Variants in MATN2 observed in about 807,000 individuals in gnomAD.
MATN2 encodes the protein matrilin 2.
Under a neutral mutation model 103.2 loss-of-function variants are expected in MATN2, and 69 were observed. That is an observed-to-expected ratio of 0.67 (90% CI 0.55 to 0.82). The LOEUF is 0.82. Ranked by LOEUF, MATN2 falls within the 40% of genes least tolerant of loss-of-function variation. The probability of loss-of-function intolerance (pLI) is 0.00; values close to 1 mark genes in which losing one functional copy is unlikely to be tolerated. For synonymous variants in MATN2, 429 were observed against 450.2 expected (o/e 0.95, Z 0.60); for missense variants, 1,023 against 1,211.5 (o/e 0.84, Z 2.31).
At chr8:97,973,571 C>CTTT (rs10546662) in intron 5 of MATN2, among the ~76,000 whole-genome samples, 1 of 118,726 alleles carries the variant, frequency 8.4e-6, no homozygotes, top group African/African-American at 3.1e-5. Flanking sequence ...ATTTACAAAT[C>CTTT]TTTTTTTTTT....
chr8:98,000,326 C>T (rs989240312), intron 7 of MATN2, among the ~76,000 whole-genome samples: 7 of 151,710 alleles, frequency 4.6e-5, no homozygotes, highest in Admixed American at 2.0e-4. Context: ...AGGCCAGGTG[C>T]GGTGGCTCAC....
intron 1 of MATN2, among the ~76,000 whole-genome samples, chr8:97,881,831 A>G (rs748869801): frequency 2.0e-5 from 3 of 150,834 alleles, no homozygotes; most frequent in African/African-American, 4.9e-5. Flanking sequence ...GAAAAAATCT[A>G]TCTTGTCTGG....
At chr8:97,929,565 G>A (rs1034683568) in intron 2 of MATN2, among the ~76,000 whole-genome samples, 2 of 152,168 alleles carry the variant, frequency 1.3e-5, no homozygotes. Context: ...AAACGCAAAA[G>A]GGATGAGTTT....
chr8:97,877,477 C>CA lies in MATN2; in HGVS notation c.-27+8200dup, dbSNP rs545532976. ...GAGCAACGAGAGTGAAACTCAGTCTCAAAAAAAAAACTTTTTTTTTTTTTG... is the reference window on the plus strand; with the variant it reads ...GAGCAACGAGAGTGAAACTCAGTCTCAAAAAAAAAAACTTTTTTTTTTTTTG... On this transcript the variant is annotated intron_variant, in intron 1 of 18. Transcript: ENST00000254898. Among the ~76,000 whole-genome samples, 20 of 144,006 alleles carry CA rather than the reference C, an allele frequency of 1.4e-4. No homozygotes were observed. In the South Asian group the frequency reaches 2.9e-3, roughly 21 times the overall value. The allele number at this position is 144,006 out of a possible 152,430, so 94.5% of individuals were successfully genotyped here.
chr8:98,016,503 T>C (rs769900960), intron 10 of MATN2, 37 bp from the exon 11 acceptor site: 1 of 1,578,490 alleles, frequency 6.3e-7, no homozygotes, highest in Admixed American at 1.8e-5. Context: ...TGAGTCATTT[T>C]CTTCTTCTGT....
chr8:97,890,843 A>G (rs1818603957), intron 2 of MATN2, among the ~76,000 whole-genome samples: 1 of 152,258 alleles, frequency 6.6e-6, no homozygotes, highest in Non-Finnish European at 1.5e-5. Context: ...TTAACAGAGT[A>G]GAAACAGCAG....
intron 8 of MATN2, among the ~76,000 whole-genome samples, chr8:98,006,167 C>A (rs6651180): frequency 6.6e-6 from 1 of 152,168 alleles, no homozygotes; most frequent in Non-Finnish European, 1.5e-5. Flanking sequence ...GTGCAGCATT[C>A]GGATGCCAGG....
chr8:98,027,671 T>C lies in MATN2; in HGVS notation c.2198T>C (p.Met733Thr), dbSNP rs1474368635. The C allele has an allele frequency of 1.3e-5, 21 of 1,613,944 alleles. No individual in the cohort carries two copies. The highest frequency in any genetic ancestry group is 1.8e-5 in the Non-Finnish European group (21 of 1,179,872). The change falls in exon 14 of 19, where the codon ATG (methionine) becomes ACG (threonine). Residue 733 changes from methionine to threonine, a missense_variant. Transcript: ENST00000254898. ...ATGAAATACATGGGAAAGGGCTCTA[T>C]GACTGGGCTGGCCCTGAAACACATG... ...AHMKYMGKGS[M>T]TGLALKHMFE... is the part of the protein sequence containing the mutation.
At chr8:97,882,070 C>T (rs1273567316) in intron 1 of MATN2, among the ~76,000 whole-genome samples, 4 of 151,414 alleles carry the variant, frequency 2.6e-5, no homozygotes, top group African/African-American at 4.8e-5. Flanking sequence ...TACAGGTGTG[C>T]GCCACCATGC....
Position 97,972,013 on chromosome 8 carries a change from T to C in MATN2, c.959-6873T>C, listed in dbSNP as rs1006407793. Among the ~76,000 whole-genome samples, 4 of 151,192 alleles carry C rather than the reference T, an allele frequency of 2.6e-5. No individual in the cohort carries two copies. In the South Asian group the frequency reaches 6.3e-4, roughly 24 times the overall value. On this transcript the variant is annotated intron_variant, in intron 5 of 18. Transcript: ENST00000254898. The stretch of plus-strand genomic sequence containing the variant: ...GAGTTCGAGACCAGCCTGGTCAACA[T>C]GGTGAAAACCTGTCACTACAAAAAT...
intron 2 of MATN2, among the ~76,000 whole-genome samples, chr8:97,902,820 A>G (rs963717852): frequency 6.6e-6 from 1 of 152,142 alleles, no homozygotes; most frequent in South Asian, 2.1e-4. Flanking sequence ...GTGGGTCTAC[A>G]TTGCAGTAAA....
intron 4 of MATN2, among the ~76,000 whole-genome samples, chr8:97,956,942 G>C (rs1369182866): frequency 2.0e-5 from 3 of 152,206 alleles, no homozygotes; most frequent in African/African-American, 7.2e-5. Flanking sequence ...TTCAGCAAAT[G>C]AACTCTTATG....
At chr8:97,979,623 T>C (rs965029617) in intron 6 of MATN2, among the ~76,000 whole-genome samples, 4 of 152,298 alleles carry the variant, frequency 2.6e-5, no homozygotes, top group South Asian at 4.2e-4. Flanking sequence ...ATTCCAAAAG[T>C]GTTCTATTAA....
intron 7 of MATN2, among the ~76,000 whole-genome samples, chr8:97,997,911 C>G (rs904021220): frequency 3.3e-5 from 5 of 151,496 alleles, no homozygotes; most frequent in African/African-American, 1.2e-4. Context: ...CCTCTGTCTC[C>G]CAGGCTCAGG....
chr8:97,872,877 C>T (rs1817943773), intron 1 of MATN2, among the ~76,000 whole-genome samples: 1 of 152,100 alleles, frequency 6.6e-6, no homozygotes. Flanking sequence ...TCACTGCAGC[C>T]TCCGCCTCCC....
chr8:97,908,022 C>T (rs1228248448), intron 2 of MATN2, among the ~76,000 whole-genome samples: 2 of 152,086 alleles, frequency 1.3e-5, no homozygotes. Flanking sequence ...GCCTGTAACC[C>T]CAGCTACTCG....
At chr8:97,964,436 G>T (rs2444872) in intron 5 of MATN2, among the ~76,000 whole-genome samples, 2 of 151,282 alleles carry the variant, frequency 1.3e-5, no homozygotes, top group African/African-American at 4.9e-5. Context: ...TTTATGCCCT[G>T]TTGGCCCAAT....
intron 13 of MATN2, chr8:98,025,486 C>G (rs533005110): frequency 4.3e-6 from 1 of 234,826 alleles, no homozygotes; most frequent in Non-Finnish European, 8.6e-6. Context: ...CGGTGGCTCA[C>G]GCCTGTAATC....
intron 2 of MATN2, among the ~76,000 whole-genome samples, chr8:97,920,921 C>T (rs1809786050): frequency 6.6e-6 from 1 of 152,200 alleles, no homozygotes; most frequent in Non-Finnish European, 1.5e-5. Context: ...GTGTCGGTCA[C>T]AGATGCCAGG....
Sources: allele counts gnomAD v4.1 joint callset (sites outside exome capture counted in the v4.1 genomes callset), GRCh38; gene constraint gnomAD v4.1.1; transcripts MANE v1.5; gene names NCBI Gene and HGNC (gene_info 2026-07-23, HGNC 2026-07-21).